The following DPP6 variants were observed in gnomAD, a reference collection of about 807,000 sequenced individuals.
DPP6 encodes A-type potassium channel modulatory protein DPP6.
A neutral mutation model predicts 122.6 loss-of-function variants in DPP6; 69 were observed. That is an observed-to-expected ratio of 0.56 (90% confidence interval 0.46 to 0.69). The LOEUF (loss-of-function observed/expected upper bound fraction) is 0.69, where lower values mean the gene tolerates loss of function less well. Among genes scored for constraint, DPP6 ranks in the 30% least tolerant of loss-of-function variants. The probability of loss-of-function intolerance (pLI) is 0.00; values close to 1 mark genes in which losing one functional copy is unlikely to be tolerated. For synonymous variants in DPP6, 418 were observed against 433.1 expected, an observed-to-expected ratio of 0.97 and a Z score of 0.43; for missense variants, 928 against 1,116.9, an observed-to-expected ratio of 0.83 and a Z score of 2.41.
rs1396858517 is a variant in DPP6, at chr7:154,073,193, C to T, written c.243+20130C>T. 3.9e-5 allele frequency among the ~76,000 whole-genome samples: 6 copies of T among 152,246 alleles called. No homozygotes were observed. The South Asian group carries it at 8.3e-4, about 21-fold the overall frequency. On this transcript the variant is annotated intron_variant, in intron 1 of 25. Coordinates refer to ENST00000377770, the MANE Select transcript of DPP6 (RefSeq NM_130797.4). ...CGAGCATGTTCCTTCGTGCCCTGGG[C>T]GGCCTCTCTGACAGCCCTGACTCTG...
chr7:154,870,701 G>T (rs1017261020), intron 18 of DPP6, among the ~76,000 whole-genome samples: 2 of 151,686 alleles, frequency 1.3e-5, no homozygotes, highest in East Asian at 3.9e-4. Flanking sequence ...GGTGGCTCAC[G>T]CCTGTAATCC....
At chr7:154,496,019 C>T (rs1456663933) in intron 3 of DPP6, among the ~76,000 whole-genome samples, 2 of 152,222 alleles carry the variant, frequency 1.3e-5, no homozygotes, top group East Asian at 1.9e-4. Flanking sequence ...ATAGGGAATA[C>T]CTCATCCAGT....
chr7:154,817,684 T>G (rs1445438159), intron 16 of DPP6, among the ~76,000 whole-genome samples: 1 of 152,108 alleles, frequency 6.6e-6, no homozygotes, highest in Non-Finnish European at 1.5e-5. Flanking sequence ...ATGTCCTGAG[T>G]GATTAATGAC....
chr7:154,496,467 A>G (rs75861197), intron 3 of DPP6, among the ~76,000 whole-genome samples: 4 of 152,232 alleles, frequency 2.6e-5, no homozygotes, highest in Non-Finnish European at 5.9e-5. Context: ...TATTTATCCC[A>G]TAATTTTCAG....
intron 1 of DPP6, among the ~76,000 whole-genome samples, chr7:154,188,486 A>G (rs565762379): frequency 3.3e-5 from 5 of 152,130 alleles, no homozygotes; most frequent in Non-Finnish European, 1.5e-5. Context: ...AGAGACAAAT[A>G]GTAACTGTGT....
intron 1 of DPP6, among the ~76,000 whole-genome samples, chr7:154,356,402 A>G (rs1247037338): frequency 6.6e-6 from 1 of 152,158 alleles, no homozygotes; most frequent in Non-Finnish European, 1.5e-5. Flanking sequence ...TAGCTGGGTT[A>G]CCTTAAAAGT....
intron 1 of DPP6, among the ~76,000 whole-genome samples, chr7:153,898,881 G>T (rs1009065561): frequency 2.0e-5 from 3 of 152,164 alleles, no homozygotes; most frequent in African/African-American, 7.2e-5. Flanking sequence ...TCTGTGCTTT[G>T]CTGGTTTGTA....
In DPP6 at chr7:153,936,728, G is replaced by A. The variant is rs183339759; in HGVS notation, c.51+48994G>A. Among the ~76,000 whole-genome samples, 189 of 152,062 alleles carry A rather than the reference G, an allele frequency of 1.2e-3. 2 individuals are homozygous for A. The East Asian group carries it at 0.025, about 20-fold the overall frequency. ...CGGGAGGCTGAGGCAGGAAAATGGC[G>A]TGAACCTGGGAGGTGGAGCTTGCAG... On this transcript the variant is annotated intron_variant, in intron 1 of 25. Coordinates refer to the DPP6 transcript ENST00000404039.
the DPP6 span, among the ~76,000 whole-genome samples, chr7:153,790,797 G>C: frequency 6.6e-6 from 1 of 152,266 alleles, no homozygotes; most frequent in East Asian, 1.9e-4. Flanking sequence ...GTGTTATAAA[G>C]CTCAGCTGTA....
chr7:154,503,846 G>C (rs28485840), intron 3 of DPP6, among the ~76,000 whole-genome samples: 1 of 151,984 alleles, frequency 6.6e-6, no homozygotes, highest in Non-Finnish European at 1.5e-5. Context: ...GCTAATGGTT[G>C]CTGGGCTTAA....
At chr7:154,456,603 G>A (rs1820852451) in intron 2 of DPP6, among the ~76,000 whole-genome samples, 1 of 152,042 alleles carries the variant, frequency 6.6e-6, no homozygotes, top group African/African-American at 2.4e-5. Flanking sequence ...TGTAATCCTT[G>A]GATCCTGTTA....
intron 8 of DPP6, among the ~76,000 whole-genome samples, chr7:154,728,306 G>T (rs1283240429): frequency 6.6e-6 from 1 of 152,172 alleles, no homozygotes. Flanking sequence ...GGGGACAGTT[G>T]GAAAAGAAAG....
chr7:154,180,404 A>AAT (rs1184069625), intron 1 of DPP6, among the ~76,000 whole-genome samples: 5 of 146,020 alleles, frequency 3.4e-5, no homozygotes, highest in South Asian at 4.2e-4. Context: ...TATATGTATA[A>AAT]ATATATATAT....
the DPP6 span, among the ~76,000 whole-genome samples, chr7:153,849,079 A>G: frequency 6.6e-6 from 1 of 152,166 alleles, no homozygotes; most frequent in African/African-American, 2.4e-5. Flanking sequence ...GTAGGAATTC[A>G]TTGAGCATAG....
chr7:154,303,441 G>A (rs1445579326), intron 1 of DPP6, among the ~76,000 whole-genome samples: 1 of 152,258 alleles, frequency 6.6e-6, no homozygotes, highest in East Asian at 1.9e-4. Flanking sequence ...ACGTGACCAA[G>A]GAGGGACCTT....
At chr7:153,777,065 T>C in the DPP6 span, among the ~76,000 whole-genome samples, 1 of 152,250 alleles carries the variant, frequency 6.6e-6, no homozygotes, top group East Asian at 1.9e-4. Context: ...CAGTCAACAA[T>C]GAGGAAACAG....
chr7:153,897,017 T>G (rs1799442876), intron 1 of DPP6, among the ~76,000 whole-genome samples: 1 of 152,200 alleles, frequency 6.6e-6, no homozygotes, highest in Non-Finnish European at 1.5e-5. Context: ...CTCCACCCTT[T>G]CATTTCAAAC....
the DPP6 span, among the ~76,000 whole-genome samples, chr7:153,826,654 A>G: frequency 6.6e-6 from 1 of 152,182 alleles, no homozygotes; most frequent in Non-Finnish European, 1.5e-5. Flanking sequence ...GGGTCTAAGT[A>G]TTATCACCCT....
intron 1 of DPP6, among the ~76,000 whole-genome samples, chr7:154,361,933 C>T (rs1167153690): frequency 6.6e-6 from 1 of 152,210 alleles, no homozygotes; most frequent in African/African-American, 2.4e-5. Flanking sequence ...AGTTTGTCTG[C>T]CATGATGGCT....
Sources: allele counts gnomAD v4.1 joint callset (sites outside exome capture counted in the v4.1 genomes callset), GRCh38; gene constraint gnomAD v4.1.1; transcripts MANE v1.5; gene names NCBI Gene and HGNC (gene_info 2026-07-23, HGNC 2026-07-21).